The following DGKD variants were observed in gnomAD, a reference collection of about 807,000 sequenced individuals.
DGKD encodes diacylglycerol kinase delta.
DGKD carries 68 observed loss-of-function variants against 154.4 expected under a neutral mutation model. That is an observed-to-expected ratio of 0.44 (90% CI 0.36 to 0.54). The LOEUF (loss-of-function observed/expected upper bound fraction) is 0.54, where lower values mean the gene tolerates loss of function less well. Ranked by LOEUF, DGKD falls within the 20% of genes least tolerant of loss-of-function variation. The pLI is 0.00. For synonymous variants in DGKD, 693 were observed against 638.0 expected (o/e 1.09, Z -1.30); for missense variants, 1,343 against 1,593.6 (o/e 0.84, Z 2.68).
At chr2:233,467,553 T>C (rs1487089456) in intron 28 of DGKD, among the ~76,000 whole-genome samples, 1 of 152,214 alleles carries the variant, frequency 6.6e-6, no homozygotes, top group Non-Finnish European at 1.5e-5. Flanking sequence ...CCCTGCCTGC[T>C]CCCTCCTGGG....
intron 2 of DGKD, among the ~76,000 whole-genome samples, chr2:233,389,810 C>T (rs571344247): frequency 6.6e-6 from 1 of 152,292 alleles, no homozygotes; most frequent in Admixed American, 6.5e-5. Context: ...GTCCCCAGGC[C>T]TGACTCCCAG....
rs545544100 is a variant in DGKD at position 233,451,792 on chromosome 2, T to C, written c.2168-172T>C. Among the ~76,000 whole-genome samples, 10 of 152,348 alleles carry C rather than the reference T, an allele frequency of 6.6e-5. No homozygotes were observed. In the South Asian group the frequency reaches 2.1e-3, roughly 32 times the overall value. On this transcript the variant is annotated intron_variant, in intron 17 of 29. Transcript: ENST00000264057. ...CAGTATGGTTTCTTTGTTCCAGTGA[T>C]TTTTGACCTAAGACTATTGGCAAAA...
chr2:233,413,410 T>A (rs2061877886), intron 3 of DGKD, among the ~76,000 whole-genome samples: 1 of 152,072 alleles, frequency 6.6e-6, no homozygotes, highest in South Asian at 2.1e-4. Context: ...TTTTTTTTTT[T>A]AATGTTCAGA....
intron 2 of DGKD, among the ~76,000 whole-genome samples, chr2:233,389,925 C>G (rs985356670): frequency 2.0e-5 from 3 of 152,162 alleles, no homozygotes; most frequent in African/African-American, 4.8e-5. Flanking sequence ...TCTCTCTTCT[C>G]CAGAAGAATT....
chr2:233,388,771 A>C (rs1267768668), intron 2 of DGKD: 1 of 72,910 alleles, frequency 1.4e-5, no homozygotes, highest in African/African-American at 5.6e-5. Flanking sequence ...TTTGAGAGGG[A>C]GTCTTGCTTT....
chr2:233,363,414 T>C (rs1701877331), intron 1 of DGKD, among the ~76,000 whole-genome samples: 1 of 152,140 alleles, frequency 6.6e-6, no homozygotes, highest in Admixed American at 6.6e-5. Flanking sequence ...AAGTGTACAG[T>C]GTGTGTTTCA....
At position 233,385,449 on chromosome 2, in the gene DGKD, G is replaced by C. The variant is rs532509881; in HGVS notation, c.157-2808G>C. ...AGCTTAAGAGTTTTCTCGGTGCTGT[G>C]TGTGTTGCAAATTTGTCTCTGATTG... is the stretch of plus-strand genomic sequence containing the variant. On this transcript the variant is annotated intron_variant, in intron 1 of 29. Coordinates refer to ENST00000264057, the MANE Select transcript of DGKD (RefSeq NM_152879.3). Among the ~76,000 whole-genome samples, 9 of 152,310 alleles carry C rather than the reference G, an allele frequency of 5.9e-5. No individual in the cohort carries two copies. In the South Asian group the frequency reaches 1.9e-3, roughly 32 times the overall value.
intron 17 of DGKD, 30 bp from the exon 18 acceptor site, chr2:233,451,934 C>T (rs371426086): frequency 1.2e-6 from 2 of 1,602,098 alleles, no homozygotes; most frequent in Non-Finnish European, 1.7e-6. Context: ...TCCTGACCAG[C>T]ACCACCTCTT....
chr2:233,397,148 A>T (rs1159660305), intron 3 of DGKD, among the ~76,000 whole-genome samples: 6 of 118,630 alleles, frequency 5.1e-5, no homozygotes, highest in Non-Finnish European at 6.8e-5. Flanking sequence ...AGAGGGGACC[A>T]GGGTGGCTGC....
Position 233,448,140 on chromosome 2 carries a change from C to A in DGKD, c.1473C>A (p.Ile491=). The change falls in exon 13 of 30, where the codon ATC becomes ATA. Residue 491 remains isoleucine, a synonymous_variant. Coordinates refer to ENST00000264057, the MANE Select transcript of DGKD (RefSeq NM_152879.3). ...CGGTTGCAGCCCACCTTTCTAAAAT[C>A]CTCACCTCGGACCAGCACTCGGTGG... ...EDSVAAHLSK[I]LTSDQHSVVI... 1 of 1,614,130 alleles carries A rather than the reference C, an allele frequency of 6.2e-7. No individual in the cohort carries two copies. The highest frequency in any genetic ancestry group is 8.5e-7 in the Non-Finnish European group (1 of 1,180,022).
chr2:233,468,753 C>T (rs1479786170), intron 29 of DGKD, among the ~76,000 whole-genome samples, 200 bp downstream of exon 29: 3 of 152,214 alleles, frequency 2.0e-5, no homozygotes, highest in African/African-American at 7.2e-5. Context: ...AAGCCAGGAG[C>T]AGACATAATG....
At chr2:233,426,687 T>C (rs2062316284) in intron 3 of DGKD, among the ~76,000 whole-genome samples, 1 of 152,184 alleles carries the variant, frequency 6.6e-6, no homozygotes, top group Non-Finnish European at 1.5e-5. Context: ...TTTAGAGTAG[T>C]GATGCTATGA....
chr2:233,386,060 G>A (rs1270996370), intron 1 of DGKD: 1 of 458,604 alleles, frequency 2.2e-6, no homozygotes, highest in Non-Finnish European at 4.5e-6. Flanking sequence ...TTTCTTTTAT[G>A]TATGAGATGT....
intron 1 of DGKD, among the ~76,000 whole-genome samples, chr2:233,363,810 G>A (rs185196969): frequency 1.3e-5 from 2 of 152,252 alleles, no homozygotes; most frequent in African/African-American, 4.8e-5. Context: ...TGTCAGCACA[G>A]TGATGTGCTC....
At chr2:233,450,305 G>C (rs1173415124) in intron 16 of DGKD, among the ~76,000 whole-genome samples, 174 bp downstream of exon 16, 2 of 152,146 alleles carry the variant, frequency 1.3e-5, no homozygotes, top group African/African-American at 4.8e-5. Context: ...GCGCGCCCTT[G>C]AGGTGGGTGT....
intron 1 of DGKD, among the ~76,000 whole-genome samples, chr2:233,374,948 T>C (rs576739350): frequency 2.0e-5 from 3 of 152,246 alleles, no homozygotes; most frequent in African/African-American, 7.2e-5. Flanking sequence ...AGATTACAGG[T>C]GTGACATACC....
intron 5 of DGKD, 123 bp from the exon 6 acceptor site, chr2:233,435,695 T>C (rs2062668385): frequency 2.7e-6 from 2 of 742,998 alleles, no homozygotes; most frequent in Non-Finnish European, 4.2e-6. Context: ...ACTTATAAAA[T>C]GGGAGTGCCA....
Position 233,450,144 on chromosome 2 carries a change from C to T in DGKD, c.2038+13C>T, listed in dbSNP as rs1195020497. ...AGCCAGCGCAAAGGTACTTGTGCCT[C>T]CACCTCCCTCTGCGCACCGTCGTGT... On this transcript the variant is annotated intron_variant, in intron 16 of 29. Transcript: ENST00000264057. The T allele has an allele frequency of 1.3e-6, 2 of 1,599,850 alleles. No homozygotes were observed. The highest frequency in any genetic ancestry group is 1.7e-6 in the Non-Finnish European group (2 of 1,171,538).
intron 3 of DGKD, 52 bp downstream of exon 3, chr2:233,390,535 C>T (rs1163837067): frequency 2.2e-6 from 3 of 1,367,482 alleles, no homozygotes; most frequent in Non-Finnish European, 3.1e-6. Flanking sequence ...GTTGGCTTTC[C>T]TTTTTGATCT....
Sources: gnomAD v4.1 joint callset for allele counts (sites outside exome capture counted in the v4.1 genomes callset) on GRCh38, gnomAD v4.1.1 for gene constraint, MANE v1.5 for transcripts, NCBI Gene and HGNC (gene_info 2026-07-23, HGNC 2026-07-21) for gene names.